Variants in MSRA observed in about 807,000 individuals in gnomAD.
MSRA encodes the protein methionine sulfoxide reductase A, also known as mitochondrial peptide methionine sulfoxide reductase.
In MSRA, 54 loss-of-function variants were observed where a neutral mutation model predicts 31.3. The observed-to-expected ratio is 1.73, with a 90% confidence interval of 1.39 to 2.17. The LOEUF is 2.17. Ranked by LOEUF, MSRA falls within the 30% of genes most tolerant of loss-of-function variation. The probability of loss-of-function intolerance (pLI) is 0.00; values close to 1 mark genes in which losing one functional copy is unlikely to be tolerated. For synonymous variants in MSRA, 169 were observed against 116.5 expected, an observed-to-expected ratio of 1.45 and a Z score of -2.90; for missense variants, 507 against 300.9, an observed-to-expected ratio of 1.69 and a Z score of -5.07.
chr8:10,334,463 A>T (rs1802901862), intron 5 of MSRA, among the ~76,000 whole-genome samples: 1 of 151,834 alleles, frequency 6.6e-6, no homozygotes, highest in Non-Finnish European at 1.5e-5. Flanking sequence ...GGACGCTTTT[A>T]TTTCTGTGGC....
At chr8:10,098,890 C>T (rs955857612) in intron 1 of MSRA, among the ~76,000 whole-genome samples, 7 of 152,184 alleles carry the variant, frequency 4.6e-5, no homozygotes, top group East Asian at 1.9e-4. Flanking sequence ...CCTTCGAAGA[C>T]GTGGCTGCAA....
chr8:10,181,723 G>A (rs1806558150), intron 1 of MSRA, among the ~76,000 whole-genome samples: 1 of 152,190 alleles, frequency 6.6e-6, no homozygotes, highest in Non-Finnish European at 1.5e-5. Flanking sequence ...TCATGATGGA[G>A]GTGGTGAGAA....
intron 1 of MSRA, chr8:10,096,259 C>T (rs76103397): frequency 8.5e-7 from 1 of 1,177,906 alleles, no homozygotes; most frequent in African/African-American, 1.6e-5. Flanking sequence ...AGTGACAACA[C>T]TGAAGACCAG....
intron 1 of MSRA, among the ~76,000 whole-genome samples, chr8:10,123,974 G>A (rs1357144188): frequency 1.3e-5 from 2 of 151,902 alleles, no homozygotes; most frequent in East Asian, 3.9e-4. Context: ...ATGAGATCAG[G>A]GAGGAGTAGG....
At chr8:10,162,205 C>G (rs574650873) in intron 1 of MSRA, among the ~76,000 whole-genome samples, 57 of 152,230 alleles carry the variant, frequency 3.7e-4, no homozygotes, top group African/African-American at 1.3e-3. Context: ...AGCCAAGGCT[C>G]TTATTTATTT....
At chr8:10,281,942 C>T (rs1383714443) in intron 3 of MSRA, among the ~76,000 whole-genome samples, 2 of 152,266 alleles carry the variant, frequency 1.3e-5, no homozygotes, top group South Asian at 2.1e-4. Context: ...ACGGGGCTTA[C>T]TTTGCAGGTT....
At chr8:10,395,849 T>C (rs553467005) in intron 5 of MSRA, among the ~76,000 whole-genome samples, 1 of 152,248 alleles carries the variant, frequency 6.6e-6, no homozygotes, top group African/African-American at 2.4e-5. Context: ...AATAAAAATA[T>C]AAAATGGTGC....
At chr8:10,295,909 G>C (rs1023713262) in intron 3 of MSRA, among the ~76,000 whole-genome samples, 5 of 152,152 alleles carry the variant, frequency 3.3e-5, no homozygotes, top group African/African-American at 1.2e-4. Flanking sequence ...TCCAGCCTCA[G>C]CTCTTGCTCC....
At chr8:10,159,260 C>A (rs1211185905) in intron 1 of MSRA, among the ~76,000 whole-genome samples, 1 of 152,166 alleles carries the variant, frequency 6.6e-6, no homozygotes, top group African/African-American at 2.4e-5. Flanking sequence ...GTGAGGCCAT[C>A]CATTGACAGA....
chr8:10,295,593 C>T (rs997769869), intron 3 of MSRA, among the ~76,000 whole-genome samples: 29 of 152,322 alleles, frequency 1.9e-4, no homozygotes, highest in African/African-American at 6.5e-4. Context: ...GACCTGCTTC[C>T]CTGCTGGCGA....
At chr8:10,106,566 C>G (rs1799897060) in intron 1 of MSRA, among the ~76,000 whole-genome samples, 1 of 152,294 alleles carries the variant, frequency 6.6e-6, no homozygotes, top group Non-Finnish European at 1.5e-5. Flanking sequence ...CTGGCAGACA[C>G]ACACACCACA....
chr8:10,414,577 T>C (rs1344684970), intron 5 of MSRA, among the ~76,000 whole-genome samples: 1 of 152,244 alleles, frequency 6.6e-6, no homozygotes, highest in Non-Finnish European at 1.5e-5. Context: ...TCTGAATTGC[T>C]GCAGTTCTTC....
intron 1 of MSRA, among the ~76,000 whole-genome samples, chr8:10,187,825 C>A (rs576677196): frequency 6.6e-6 from 1 of 152,238 alleles, no homozygotes; most frequent in African/African-American, 2.4e-5. Context: ...TATAGTAGTT[C>A]TGTTGTATAA....
intron 1 of MSRA, among the ~76,000 whole-genome samples, chr8:10,062,787 C>G (rs1313562125): frequency 2.0e-5 from 3 of 152,092 alleles, no homozygotes; most frequent in African/African-American, 4.8e-5. Context: ...TTTCTGCAGC[C>G]AGATGAAAAT....
chr8:10,182,563 ATTTATTTATTT>A (rs1585111871), intron 1 of MSRA, among the ~76,000 whole-genome samples: 1 of 151,998 alleles, frequency 6.6e-6, no homozygotes, highest in African/African-American at 2.4e-5. Context: ...TTATTTATTT[ATTTATTTATTT>A]TTTATTTATT....
At chr8:10,216,452 T>G (rs4240634) in intron 2 of MSRA, among the ~76,000 whole-genome samples, 75,576 of 152,094 alleles carry the variant, frequency 0.5, 22,058 homozygotes, top group Non-Finnish European at 0.67. Flanking sequence ...TGTAACCATT[T>G]TTTAAGCGTA....
At position 10,059,453 on chromosome 8, in the gene MSRA, T is replaced by A. The variant is rs952514498; in HGVS notation, c.142+4795T>A. On this transcript the variant is annotated intron_variant, in intron 1 of 5. Coordinates refer to ENST00000317173, the MANE Select transcript of MSRA (RefSeq NM_012331.5). ...GAGCTGGGATATGAACGTAGTCAGT[T>A]TGGCTATAGAGTTTCTGGCCTTAAC... 4.6e-5 allele frequency among the ~76,000 whole-genome samples: 7 copies of A among 152,222 alleles called. No individual in the cohort carries two copies. In the South Asian group the frequency reaches 1.5e-3, roughly 32 times the overall value.
chr8:10,137,724 G>A (rs961766160), intron 1 of MSRA, among the ~76,000 whole-genome samples: 7 of 152,124 alleles, frequency 4.6e-5, no homozygotes, highest in African/African-American at 1.7e-4. Context: ...TGACTGGGGA[G>A]GTATAAGGAG....
intron 2 of MSRA, among the ~76,000 whole-genome samples, chr8:10,215,026 G>A (rs186022492): frequency 1.3e-5 from 2 of 152,338 alleles, no homozygotes; most frequent in Admixed American, 1.3e-4. Flanking sequence ...TGGAGTCACA[G>A]AGGAGGGTGG....
Sources: allele counts gnomAD v4.1 joint callset (sites outside exome capture counted in the v4.1 genomes callset), GRCh38; gene constraint gnomAD v4.1.1; transcripts MANE v1.5; gene names NCBI Gene and HGNC (gene_info 2026-07-23, HGNC 2026-07-21).